CHST8: variants seen among roughly 807,000 people sequenced by gnomAD.
CHST8 encodes GALNAC-4-ST1.
Under a neutral mutation model 15.0 loss-of-function variants are expected in CHST8, and 10 were observed. That is an observed-to-expected ratio of 0.67 (90% CI 0.41 to 1.13). CHST8 has a LOEUF of 1.13. Ranked by LOEUF, CHST8 falls within the 50% of genes most tolerant of loss-of-function variation. The probability of loss-of-function intolerance (pLI) is 0.00; values close to 1 mark genes in which losing one functional copy is unlikely to be tolerated. For synonymous variants in CHST8, 259 were observed against 256.6 expected (o/e 1.01, Z -0.09); for missense variants, 634 against 608.2 (o/e 1.04, Z -0.45).
chr19:33,634,899 G>T (rs550502599), intron 1 of CHST8, among the ~76,000 whole-genome samples: 108 of 152,090 alleles, frequency 7.1e-4, no homozygotes, highest in African/African-American at 2.6e-3. Flanking sequence ...CTCGCTCGCT[G>T]GGGGGTGTCC....
Position 33,773,060 on chromosome 19 carries a change from C to T in CHST8, c.1272C>T (p.Tyr424=). Residue 424 remains tyrosine (Y), a synonymous_variant, in exon 5 of 5, where the codon TAC becomes TAT. Coordinates refer to ENST00000650847, the MANE Select transcript of CHST8 (RefSeq NM_001127895.2). The stretch of plus-strand genomic sequence containing the variant: ...ATTCCAAGCCCTTTGCAGATCTGTA[C>T]TGAGGGGCGCCGCAGCTGGCCGGGG... The part of the protein sequence containing the change: ...FNYSKPFADL[Y] 1.3e-6 allele frequency: 2 copies of T among 1,589,812 alleles called. No homozygotes were observed. The highest frequency in any genetic ancestry group is 1.7e-6 in the Non-Finnish European group (2 of 1,169,388).
intron 3 of CHST8, among the ~76,000 whole-genome samples, chr19:33,718,845 A>G (rs1247278229): frequency 6.6e-6 from 1 of 152,118 alleles, no homozygotes; most frequent in African/African-American, 2.4e-5. Flanking sequence ...ACGGTCCCCT[A>G]GGGCTGAGGA....
At chr19:33,724,980 T>G (rs1342565567) in intron 3 of CHST8, among the ~76,000 whole-genome samples, 1 of 151,104 alleles carries the variant, frequency 6.6e-6, no homozygotes, top group Non-Finnish European at 1.5e-5. Flanking sequence ...GGGGAGGGAG[T>G]GAGGGCACAG....
chr19:33,715,119 A>T (rs1973642796), intron 3 of CHST8, among the ~76,000 whole-genome samples: 1 of 152,190 alleles, frequency 6.6e-6, no homozygotes, highest in African/African-American at 2.4e-5. Context: ...TCTCCAGACA[A>T]GAAAGAACTT....
intron 3 of CHST8, among the ~76,000 whole-genome samples, chr19:33,746,998 G>T (rs755597443): frequency 6.6e-6 from 1 of 152,168 alleles, no homozygotes; most frequent in South Asian, 2.1e-4. Context: ...CATGTCAAAC[G>T]GACTATATAT....
chr19:33,662,986 T>C (rs1460690421), intron 1 of CHST8, among the ~76,000 whole-genome samples: 2 of 152,166 alleles, frequency 1.3e-5, no homozygotes, highest in Non-Finnish European at 2.9e-5. Flanking sequence ...TCATGGATCT[T>C]AGGGACTCTG....
chr19:33,673,677 G>A (rs920659291), intron 2 of CHST8, among the ~76,000 whole-genome samples: 6 of 152,164 alleles, frequency 3.9e-5, no homozygotes, highest in Admixed American at 2.6e-4. Flanking sequence ...CTTCCTCCTG[G>A]GCATGCTGGG....
Position 33,772,288 on chromosome 19 carries a change from A to G in CHST8, c.500A>G (p.Tyr167Cys). 1 of 1,601,792 alleles carries G rather than the reference A, an allele frequency of 6.2e-7. No individual in the cohort carries two copies. The highest frequency in any genetic ancestry group is 8.5e-7 in the Non-Finnish European group (1 of 1,179,032). The change falls in exon 5 of 5, where the codon TAC (tyrosine) becomes TGC (cysteine). Residue 167 changes from tyrosine (Y) to cysteine (C), a missense_variant. Physicochemically the swap from Tyr to Cys is radical, Grantham distance 194. Coordinates refer to ENST00000650847, the MANE Select transcript of CHST8 (RefSeq NM_001127895.2). ...GTGATGCAGGAGGCCTGCGCCAAGT[A>G]CCGGGCGAGCAGCAGCCGCCGGGCC... The part of the protein sequence containing the change: ...KRVMQEACAK[Y>C]RASSSRRAVT...
intron 1 of CHST8, among the ~76,000 whole-genome samples, chr19:33,630,791 G>A (rs536308560): frequency 6.6e-6 from 1 of 152,360 alleles, no homozygotes; most frequent in South Asian, 2.1e-4. Context: ...TGTGGGGCAG[G>A]CAGTCTGTCT....
intron 3 of CHST8, among the ~76,000 whole-genome samples, chr19:33,757,848 C>T (rs112252237): frequency 6.6e-5 from 10 of 152,260 alleles, no homozygotes; most frequent in South Asian, 6.2e-4. Flanking sequence ...TGCACCACCA[C>T]GCCAGTATTA....
At chr19:33,716,733 C>T (rs1268138802) in intron 3 of CHST8, among the ~76,000 whole-genome samples, 2 of 152,148 alleles carry the variant, frequency 1.3e-5, no homozygotes, top group African/African-American at 4.8e-5. Flanking sequence ...GAGGAGTCAA[C>T]CCTCTTGGTT....
intron 3 of CHST8, among the ~76,000 whole-genome samples, chr19:33,705,659 C>T (rs1244981285): frequency 6.6e-6 from 1 of 152,184 alleles, no homozygotes; most frequent in South Asian, 2.1e-4. Context: ...ACTTGGCAGC[C>T]TGCTTCCCAC....
intron 1 of CHST8, among the ~76,000 whole-genome samples, chr19:33,631,535 C>T (rs907161753): frequency 2.6e-5 from 4 of 152,172 alleles, no homozygotes; most frequent in South Asian, 2.1e-4. Flanking sequence ...AGTCATTTAG[C>T]GAGGATTACC....
intron 1 of CHST8, among the ~76,000 whole-genome samples, chr19:33,641,001 C>CA (rs1194548681): frequency 2.6e-5 from 4 of 152,294 alleles, no homozygotes; most frequent in African/African-American, 9.6e-5. Flanking sequence ...TGTGGGATCA[C>CA]AAAGGCCCAG....
intron 3 of CHST8, among the ~76,000 whole-genome samples, chr19:33,710,490 T>G (rs1973527881): frequency 2.0e-5 from 3 of 152,216 alleles, no homozygotes; most frequent in Non-Finnish European, 4.4e-5. Flanking sequence ...TGATTTGAGA[T>G]TCTTCTTTTC....
At chr19:33,641,419 TG>T (rs1388309558) in intron 1 of CHST8, among the ~76,000 whole-genome samples, 2 of 152,128 alleles carry the variant, frequency 1.3e-5, no homozygotes, top group Non-Finnish European at 2.9e-5. Context: ...CACCACCCCC[TG>T]GGCAGGGTTT....
intron 3 of CHST8, among the ~76,000 whole-genome samples, chr19:33,696,560 A>G (rs907261926): frequency 6.6e-6 from 1 of 152,176 alleles, no homozygotes; most frequent in African/African-American, 2.4e-5. Flanking sequence ...ATGTATATAC[A>G]TTATATATTA....
At chr19:33,741,359 CAAAGA>C (rs1974189455) in intron 3 of CHST8, among the ~76,000 whole-genome samples, 1 of 152,178 alleles carries the variant, frequency 6.6e-6, no homozygotes, top group East Asian at 1.9e-4. Flanking sequence ...TATATTATGA[CAAAGA>C]AGAGTTAAAA....
intron 3 of CHST8, among the ~76,000 whole-genome samples, chr19:33,695,766 G>A (rs1161006871): frequency 6.8e-6 from 1 of 147,804 alleles, no homozygotes; most frequent in Non-Finnish European, 1.5e-5. Flanking sequence ...TTATGGCTGA[G>A]TAGTATTCCA....
Sources: allele counts gnomAD v4.1 joint callset (sites outside exome capture counted in the v4.1 genomes callset), GRCh38; gene constraint gnomAD v4.1.1; transcripts MANE v1.5; gene names NCBI Gene and HGNC (gene_info 2026-07-23, HGNC 2026-07-21).